DLG2: variants seen among roughly 807,000 people sequenced by gnomAD.
DLG2 encodes the protein disks large homolog 2.
In DLG2, 45 loss-of-function variants were observed where a neutral mutation model predicts 132.5. The ratio of observed to expected loss-of-function variants is 0.34; its 90% CI spans 0.27 to 0.44. The LOEUF (loss-of-function observed/expected upper bound fraction) is 0.44. Ranked by LOEUF, DLG2 falls within the 20% of genes least tolerant of loss-of-function variation. The pLI, the probability that DLG2 is intolerant of heterozygous loss-of-function variation, is 1.00. For synonymous variants in DLG2, 424 were observed against 419.6 expected (o/e 1.01, Z -0.13); for missense variants, 1,045 against 1,196.9 (o/e 0.87, Z 1.87).
chr11:85,533,984 T>G (rs575470589), intron 3 of DLG2, among the ~76,000 whole-genome samples: 5 of 152,350 alleles, frequency 3.3e-5, no homozygotes, highest in South Asian at 2.1e-4. Flanking sequence ...TCTGGTTTTT[T>G]GTTTTTTGTT....
At chr11:84,263,405 T>C (rs930781697) in intron 7 of DLG2, among the ~76,000 whole-genome samples, 1 of 152,186 alleles carries the variant, frequency 6.6e-6, no homozygotes, top group African/African-American at 2.4e-5. Context: ...GGCTGAAGCA[T>C]AATGTCCTGT....
chr11:85,094,551 A>C (rs2154177619), intron 6 of DLG2, among the ~76,000 whole-genome samples: 1 of 152,296 alleles, frequency 6.6e-6, no homozygotes, highest in Non-Finnish European at 1.5e-5. Context: ...TTGCAGTTTT[A>C]TATAATATGG....
chr11:85,016,569 C>G (rs187555462), intron 6 of DLG2, among the ~76,000 whole-genome samples: 1 of 152,192 alleles, frequency 6.6e-6, no homozygotes, highest in East Asian at 1.9e-4. Context: ...TGCATCTGGT[C>G]TCTCTCAACT....
chr11:85,172,465 A>T (rs903513408), intron 4 of DLG2, among the ~76,000 whole-genome samples: 4 of 152,240 alleles, frequency 2.6e-5, no homozygotes, highest in Admixed American at 2.6e-4. Context: ...TTCAAAGGTC[A>T]GCAACCTCAA....
chr11:85,473,727 C>A (rs930685162), intron 3 of DLG2, among the ~76,000 whole-genome samples: 1 of 151,862 alleles, frequency 6.6e-6, no homozygotes, highest in Non-Finnish European at 1.5e-5. Context: ...TAGAGGTAGA[C>A]TTGTAGAAAA....
intron 4 of DLG2, among the ~76,000 whole-genome samples, chr11:85,280,872 A>C (rs899512288): frequency 6.6e-6 from 1 of 151,648 alleles, no homozygotes; most frequent in Non-Finnish European, 1.5e-5. Context: ...GTTTTTAAAA[A>C]GGTCATTTAT....
intron 6 of DLG2, among the ~76,000 whole-genome samples, chr11:84,769,948 AC>A (rs2069017462): frequency 6.6e-6 from 1 of 152,222 alleles, no homozygotes; most frequent in Non-Finnish European, 1.5e-5. Context: ...CATAAGAGTA[AC>A]ATTATAAGAG....
At chr11:84,471,457 C>A (rs2099108129) in intron 7 of DLG2, among the ~76,000 whole-genome samples, 1 of 151,722 alleles carries the variant, frequency 6.6e-6, no homozygotes, top group Non-Finnish European at 1.5e-5. Context: ...CCATTGGCTC[C>A]TGGGTTCTTT....
rs578063396 is a variant in DLG2, at chr11:84,734,751, T to G, written c.358-200020A>C. Among the ~76,000 whole-genome samples the G allele has an allele frequency of 7.2e-5, 11 of 152,286 alleles. No homozygotes were observed. The East Asian group carries it at 2.1e-3, about 29-fold the overall frequency. ...GGGAATGTTTCCAGTTTTTGCCCAT[T>G]CAGCAAGATATTGGCTGTGGGTTTG... On this transcript the variant is annotated intron_variant, in intron 6 of 27. Coordinates refer to ENST00000376104, the MANE Select transcript of DLG2 (RefSeq NM_001142699.3).
At chr11:84,104,719 C>A (rs1173538198) in intron 9 of DLG2, among the ~76,000 whole-genome samples, 2 of 151,964 alleles carry the variant, frequency 1.3e-5, no homozygotes, top group East Asian at 1.9e-4. Context: ...AAGAAAATTA[C>A]TAACTTTAAT....
chr11:84,066,422 C>G (rs187299426), intron 10 of DLG2, among the ~76,000 whole-genome samples: 15 of 152,256 alleles, frequency 9.9e-5, no homozygotes, highest in Admixed American at 5.2e-4. Flanking sequence ...CTTAACTCAA[C>G]CACACCTAAC....
At chr11:85,374,680 A>T (rs2085263369) in intron 3 of DLG2, among the ~76,000 whole-genome samples, 1 of 152,188 alleles carries the variant, frequency 6.6e-6, no homozygotes, top group Non-Finnish European at 1.5e-5. Context: ...TACTACAGCA[A>T]TAAAAGAGGG....
intron 6 of DLG2, among the ~76,000 whole-genome samples, chr11:84,815,175 A>G (rs2076967170): frequency 1.3e-5 from 2 of 152,258 alleles, no homozygotes; most frequent in South Asian, 4.1e-4. Flanking sequence ...AATACAATTT[A>G]AGGAATAAAC....
At chr11:83,885,378 G>A (rs1458706713) in intron 15 of DLG2, among the ~76,000 whole-genome samples, 1 of 152,136 alleles carries the variant, frequency 6.6e-6, no homozygotes, top group African/African-American at 2.4e-5. Context: ...GAAATGAAGT[G>A]ACAAAGGAAG....
intron 6 of DLG2, among the ~76,000 whole-genome samples, chr11:84,993,550 T>C (rs1481584980): frequency 2.0e-5 from 3 of 152,192 alleles, no homozygotes; most frequent in African/African-American, 4.8e-5. Flanking sequence ...TTTACTTATA[T>C]GGGCTTAAGA....
At chr11:85,140,093 G>A (rs1435146647) in intron 5 of DLG2, among the ~76,000 whole-genome samples, 2 of 151,834 alleles carry the variant, frequency 1.3e-5, no homozygotes, top group Non-Finnish European at 2.9e-5. Flanking sequence ...TCCCCATCTT[G>A]GCTATTGTGA....
intron 5 of DLG2, among the ~76,000 whole-genome samples, chr11:85,116,040 C>A (rs1010599718): frequency 4.0e-5 from 6 of 151,856 alleles, no homozygotes; most frequent in African/African-American, 4.8e-5. Flanking sequence ...CTTACTCATC[C>A]GTGAGACTCT....
chr11:83,676,707 C>T (rs578255667), intron 18 of DLG2, among the ~76,000 whole-genome samples: 91 of 152,122 alleles, frequency 6.0e-4, no homozygotes, highest in African/African-American at 2.1e-3. Flanking sequence ...ATGCATTCTG[C>T]CTTTCCACCT....
chr11:85,394,453 T>C (rs1230536194), intron 3 of DLG2, among the ~76,000 whole-genome samples: 1 of 152,050 alleles, frequency 6.6e-6, no homozygotes. Flanking sequence ...AGCAGGTGAG[T>C]GACAGCAAAA....
Sources: allele counts gnomAD v4.1 joint callset (sites outside exome capture counted in the v4.1 genomes callset), GRCh38; gene constraint gnomAD v4.1.1; transcripts MANE v1.5; gene names NCBI Gene and HGNC (gene_info 2026-07-23, HGNC 2026-07-21).